Variants in PLEKHM1 observed in about 807,000 individuals in gnomAD.
The protein encoded by PLEKHM1 is pleckstrin homology domain-containing family M member 1.
PLEKHM1 carries 28 observed loss-of-function variants against 94.3 expected under a neutral mutation model. The ratio of observed to expected loss-of-function variants is 0.30; its 90% CI spans 0.22 to 0.41. PLEKHM1 has a LOEUF of 0.41. Ranked by LOEUF, PLEKHM1 falls within the 10% of genes least tolerant of loss-of-function variation. The pLI is 1.00. For synonymous variants in PLEKHM1, 424 were observed against 581.2 expected, an observed-to-expected ratio of 0.73 and a Z score of 3.89; for missense variants, 907 against 1,358.6, an observed-to-expected ratio of 0.67 and a Z score of 5.22.
chr17:45,466,161 T>C (rs1028671259), intron 5 of PLEKHM1, among the ~76,000 whole-genome samples: 1 of 152,174 alleles, frequency 6.6e-6, no homozygotes, highest in African/African-American at 2.4e-5. Context: ...GTGATTTACA[T>C]GGTCATATTC....
rs1199375679 is a variant in PLEKHM1, at chr17:45,437,898, G to A, written c.3131C>T (p.Ala1044Val). 2 of 1,613,836 alleles carry A rather than the reference G, an allele frequency of 1.2e-6. No individual in the cohort carries two copies. Among genetic ancestry groups the A allele is most frequent in the African/African-American group, 2.7e-5 (2 of 74,946 alleles). The change falls in exon 12 of 12, where the codon GCC becomes GTC. Residue 1044 changes from alanine (A) to valine (V), a missense_variant. By Grantham distance (64) the Ala-to-Val change is moderately conservative. Coordinates refer to ENST00000430334, the MANE Select transcript of PLEKHM1 (RefSeq NM_014798.3). The surrounding 1 kb of genome is among the most constrained non-coding windows in gnomAD (Gnocchi z 4.0). ...CTGTTCCTGGTACTTGCGCCGGCGG[G>A]CACAGCGGGGGCAGCCCTTCTTCAC... ...AVVKKGCPRC[A>V]RRRKYQEQNI...
chr17:45,463,448 A>T (rs1045219662), intron 5 of PLEKHM1, among the ~76,000 whole-genome samples: 1 of 152,122 alleles, frequency 6.6e-6, no homozygotes, highest in African/African-American at 2.4e-5. Flanking sequence ...GCTGGATCAC[A>T]GTGGTGTGAT....
rs1555588808 is a variant in PLEKHM1, at chr17:45,486,240, A to AT, written c.-41-3716_-41-3715insA. 3.2e-3 allele frequency among the ~76,000 whole-genome samples: 450 copies of AT among 142,810 alleles called. 12 individuals carry two copies. The highest frequency in any genetic ancestry group is 4.8e-3 in the Non-Finnish European group (310 of 64,798). 93.7% of individuals were successfully genotyped at this position (142,810 alleles called of 152,430 possible). On this transcript the variant is annotated intron_variant, in intron 1 of 11. Coordinates refer to ENST00000430334, the MANE Select transcript of PLEKHM1 (RefSeq NM_014798.3). ...TCAAAAAAAAAAAGATAAAATAAAA[A>AT]AATAATAATAATAATAATAATTTAT...
intron 1 of PLEKHM1, chr17:45,487,709 T>C (rs2052171686): frequency 2.2e-6 from 1 of 456,096 alleles, no homozygotes; most frequent in Non-Finnish European, 4.4e-6. Context: ...AAAAAGAGAA[T>C]GACTTGGATG....
At position 45,436,670 on chromosome 17, in the gene PLEKHM1, C is replaced by G. The variant is rs1307328029; in HGVS notation, c.*1188G>C. The G allele has an allele frequency of 2.2e-6, 1 of 454,044 alleles. No individual in the cohort carries two copies. Among genetic ancestry groups the G allele is most frequent in the Non-Finnish European group, 4.4e-6 (1 of 226,802 alleles). The allele number at this position is 454,044 out of a possible 1,614,324, so 28.1% of individuals were successfully genotyped here. The stretch of plus-strand genomic sequence containing the variant: ...TTGAAAACAATTCCAGACTCCCACC[C>G]CAGCCCCAAGGCCCCTTCAAAGGCA... On this transcript the variant is annotated 3_prime_UTR_variant, in exon 12 of 12. Coordinates refer to ENST00000430334, the MANE Select transcript of PLEKHM1 (RefSeq NM_014798.3).
At chr17:45,454,600 C>A in intron 6 of PLEKHM1, 1 of 527,504 alleles carries the variant, frequency 1.9e-6, no homozygotes, top group African/African-American at 1.9e-5. Context: ...CTGCGTGAGG[C>A]CAAACCCTCC....
At chr17:45,468,814 G>T (rs2051407399) in intron 4 of PLEKHM1, among the ~76,000 whole-genome samples, 1 of 152,150 alleles carries the variant, frequency 6.6e-6, no homozygotes. Flanking sequence ...CAGGTGATTT[G>T]TGGAGCCTGG....
At chr17:45,487,611 A>C (rs1244117919) in intron 1 of PLEKHM1, 1 of 428,070 alleles carries the variant, frequency 2.3e-6, no homozygotes, top group Non-Finnish European at 4.7e-6. Flanking sequence ...ATAGTTAGGA[A>C]GGAACAGTTC....
In PLEKHM1 at chr17:45,444,483, T is replaced by C. The variant is rs1256522666; in HGVS notation, c.2837+987A>G. Among the ~76,000 whole-genome samples the C allele has an allele frequency of 6.6e-6, 1 of 152,154 alleles. No homozygotes were observed. Among genetic ancestry groups the C allele is most frequent in the Non-Finnish European group, 1.5e-5 (1 of 68,012 alleles). ...GGTAAGAGAAGCTTCCTGAAGGGCA[T>C]CCTGAGGGCCCCGCCCGGATCACGT... is the stretch of plus-strand genomic sequence containing the variant. On this transcript the variant is annotated intron_variant, in intron 9 of 11. Coordinates refer to ENST00000430334, the MANE Select transcript of PLEKHM1 (RefSeq NM_014798.3). The surrounding 1 kb of genome is among the most constrained non-coding windows in gnomAD (Gnocchi z 5.0).
chr17:45,485,998 C>T (rs564338076), intron 1 of PLEKHM1, among the ~76,000 whole-genome samples: 19 of 150,908 alleles, frequency 1.3e-4, no homozygotes, highest in African/African-American at 3.6e-4. Context: ...CGGCGGATCA[C>T]GAGGTCAGGA....
In PLEKHM1 at chr17:45,466,132, G is replaced by A. The variant is rs543297668; in HGVS notation, c.1308+2077C>T. 2.0e-5 allele frequency among the ~76,000 whole-genome samples: 3 copies of A among 152,298 alleles called. No individual in the cohort carries two copies. In the East Asian group the frequency reaches 5.8e-4, roughly 29 times the overall value. ...TCAGGATAGCAAATTCGAAGACTCT[G>A]ACCCACACTGACAGTTTTGTGATTT... On this transcript the variant is annotated intron_variant, in intron 5 of 11. Transcript: ENST00000430334.
At position 45,437,268 on chromosome 17, in the gene PLEKHM1, G is replaced by C. The variant is rs1342437237; in HGVS notation, c.*590C>G. The C allele has an allele frequency of 2.0e-5, 9 of 454,000 alleles. No homozygotes were observed. Among genetic ancestry groups the C allele is most frequent in the Non-Finnish European group, 4.0e-5 (9 of 226,798 alleles). The allele number at this position is 454,000 out of a possible 1,614,324, so 28.1% of individuals were successfully genotyped here. On this transcript the variant is annotated 3_prime_UTR_variant, in exon 12 of 12. Coordinates refer to ENST00000430334, the MANE Select transcript of PLEKHM1 (RefSeq NM_014798.3). The surrounding 1 kb of genome is among the most constrained non-coding windows in gnomAD (Gnocchi z 4.0). ...AGGGGCGGTTTGGCACTGGCAGTGA[G>C]GGCCAAGGAAAGGCACTGGGTGGGC...
chr17:45,443,432 C>A (rs1397787027), intron 9 of PLEKHM1, among the ~76,000 whole-genome samples: 2 of 152,258 alleles, frequency 1.3e-5, no homozygotes, highest in Admixed American at 1.3e-4. Flanking sequence ...GCCTCCCACA[C>A]TCTTTCCCCT....
chr17:45,487,617 A>C (rs2052168887), intron 1 of PLEKHM1: 3 of 436,474 alleles, frequency 6.9e-6, no homozygotes, highest in Non-Finnish European at 9.2e-6. Flanking sequence ...AGGAAGGAAC[A>C]GTTCCGGTTG....
intron 1 of PLEKHM1, among the ~76,000 whole-genome samples, chr17:45,484,354 G>A (rs2052045970): frequency 6.6e-6 from 1 of 152,086 alleles, no homozygotes; most frequent in Admixed American, 6.6e-5. Context: ...TCTCTTGAAG[G>A]CTTCATCTAC....
At chr17:45,487,114 C>T (rs1485331820) in intron 1 of PLEKHM1, among the ~76,000 whole-genome samples, 2 of 152,186 alleles carry the variant, frequency 1.3e-5, no homozygotes, top group African/African-American at 4.8e-5. Context: ...CGGGTGAAAT[C>T]TTAGCAGGGG....
intron 1 of PLEKHM1, among the ~76,000 whole-genome samples, chr17:45,484,960 C>A (rs2052064933): frequency 1.3e-5 from 2 of 151,068 alleles, no homozygotes; most frequent in Non-Finnish European, 3.0e-5. Flanking sequence ...GAGTCAGGAC[C>A]CAGAGCCAAC....
chr17:45,484,104 A>T (rs1292744239), intron 1 of PLEKHM1, among the ~76,000 whole-genome samples: 1 of 152,226 alleles, frequency 6.6e-6, no homozygotes, highest in Admixed American at 6.5e-5. Flanking sequence ...ACTCTCAGCA[A>T]TTAAGATACC....
rs532353040 is a variant in PLEKHM1, at chr17:45,436,960, G to T, written c.*898C>A. 3.0e-4 allele frequency: 134 copies of T among 447,962 alleles called. No individual in the cohort carries two copies. The highest frequency in any genetic ancestry group is 2.2e-4 in the Non-Finnish European group (49 of 221,534). 27.7% of individuals were successfully genotyped at this position (447,962 alleles called of 1,614,324 possible). A position where few individuals can be genotyped will look rare whatever the true frequency, so the allele number is the denominator to read the frequency against. On this transcript the variant is annotated 3_prime_UTR_variant, in exon 12 of 12. Coordinates refer to ENST00000430334, the MANE Select transcript of PLEKHM1 (RefSeq NM_014798.3). ...GGGCACCCACCAAGGTGGGCCTGGA[G>T]CATCTGCAGCAGCGCCCCTGTCTGT...
Sources: gnomAD v4.1 joint callset for allele counts (sites outside exome capture counted in the v4.1 genomes callset) on GRCh38, gnomAD v4.1.1 for gene constraint, Gnocchi (gnomAD v3.1) non-coding constraint, MANE v1.5 for transcripts, NCBI Gene and HGNC (gene_info 2026-07-23, HGNC 2026-07-21) for gene names.